The following RIN3 variants were observed in gnomAD, a reference collection of about 807,000 sequenced individuals.
RIN3 encodes the protein Ras and Rab interactor 3.
In RIN3, 54 loss-of-function variants were observed where a neutral mutation model predicts 76.3. That is an observed-to-expected ratio of 0.71 (90% confidence interval 0.57 to 0.89). The LOEUF is 0.89. Ranked by LOEUF, RIN3 falls within the 40% of genes least tolerant of loss-of-function variation. The pLI is 0.00. For synonymous variants in RIN3, 576 were observed against 564.0 expected, an observed-to-expected ratio of 1.02 and a Z score of -0.30; for missense variants, 1,256 against 1,322.1, an observed-to-expected ratio of 0.95 and a Z score of 0.78.
chr14:92,590,663 G>GC (rs1459280738), intron 3 of RIN3, among the ~76,000 whole-genome samples: 1 of 152,122 alleles, frequency 6.6e-6, no homozygotes, highest in Non-Finnish European at 1.5e-5. Context: ...TTATAGCAAT[G>GC]CAAGAATGGC....
intron 6 of RIN3, among the ~76,000 whole-genome samples, chr14:92,655,345 C>T (rs1887629099): frequency 6.6e-6 from 1 of 152,130 alleles, no homozygotes; most frequent in Admixed American, 6.5e-5. Flanking sequence ...GAGACTCTGT[C>T]TCAAGAAGGA....
chr14:92,528,210 C>T (rs934154222), intron 1 of RIN3, among the ~76,000 whole-genome samples: 18 of 152,178 alleles, frequency 1.2e-4, no homozygotes, highest in Admixed American at 5.2e-4. Context: ...GGGTGTGCCC[C>T]GTGGGGGCGG....
intron 3 of RIN3, among the ~76,000 whole-genome samples, chr14:92,585,642 T>C (rs1445459915): frequency 2.0e-5 from 3 of 152,116 alleles, no homozygotes; most frequent in Admixed American, 6.5e-5. Context: ...TTTGTTTGTT[T>C]GTTGTTTGTT....
At chr14:92,630,501 C>A (rs1232199371) in intron 4 of RIN3, among the ~76,000 whole-genome samples, 2 of 152,180 alleles carry the variant, frequency 1.3e-5, no homozygotes, top group Admixed American at 6.5e-5. Context: ...AAAAAAGAAA[C>A]AGCACCCTGC....
At chr14:92,598,538 C>T (rs1885232699) in intron 3 of RIN3, among the ~76,000 whole-genome samples, 1 of 152,220 alleles carries the variant, frequency 6.6e-6, no homozygotes, top group African/African-American at 2.4e-5. Flanking sequence ...GCTCACCCTC[C>T]TTTTACAGAT....
At chr14:92,561,044 A>AAATATATATATATATATATATATATATAT (rs1555383856) in intron 2 of RIN3, among the ~76,000 whole-genome samples, 4 of 24,398 alleles carry the variant, frequency 1.6e-4, no homozygotes, top group Non-Finnish European at 2.4e-4. Context: ...AAAAAAAAAA[A>AAATATATATATATATATATATATATATAT]ATATATATAT....
At chr14:92,635,554 A>G (rs1595472185) in intron 4 of RIN3, among the ~76,000 whole-genome samples, 1 of 152,288 alleles carries the variant, frequency 6.6e-6, no homozygotes, top group East Asian at 1.9e-4. Flanking sequence ...TGTATTCAAT[A>G]GAAATACTAG....
chr14:92,532,454 T>C (rs1474054566), intron 1 of RIN3, among the ~76,000 whole-genome samples: 2 of 152,078 alleles, frequency 1.3e-5, no homozygotes, highest in Non-Finnish European at 2.9e-5. Flanking sequence ...ACTAATCCCA[T>C]GGGGTCATCT....
chr14:92,687,624 T>C (rs1461317295), intron 9 of RIN3: 3 of 436,858 alleles, frequency 6.9e-6, no homozygotes, highest in Middle Eastern at 6.2e-4. Context: ...AATGAATGAA[T>C]GAATGAATGA....
intron 7 of RIN3, among the ~76,000 whole-genome samples, chr14:92,673,101 CA>C (rs1566899012): frequency 3.3e-5 from 5 of 151,266 alleles, no homozygotes; most frequent in Admixed American, 2.0e-4. Flanking sequence ...GGCAACACGG[CA>C]AAACCCTGTC....
intron 4 of RIN3, among the ~76,000 whole-genome samples, chr14:92,626,697 G>T (rs1363471620): frequency 6.6e-6 from 1 of 152,116 alleles, no homozygotes; most frequent in Non-Finnish European, 1.5e-5. Flanking sequence ...GAAGGATCTG[G>T]GACCGAGTCC....
chr14:92,659,070 G>C (rs2295991), intron 6 of RIN3, 91 bp from the exon 7 acceptor site: 452,952 of 1,225,860 alleles, frequency 0.37, 86,222 homozygotes, highest in African/African-American at 0.41. Context: ...GGGGCCAGGG[G>C]ATGGGGATGG....
intron 1 of RIN3, among the ~76,000 whole-genome samples, chr14:92,517,181 G>A (rs1365512038): frequency 1.3e-5 from 2 of 152,248 alleles, no homozygotes; most frequent in African/African-American, 2.4e-5. Context: ...TGGGCAGCTC[G>A]GAGGAGGGGA....
chr14:92,524,547 G>A (rs770686807), intron 1 of RIN3, among the ~76,000 whole-genome samples: 5 of 152,230 alleles, frequency 3.3e-5, no homozygotes, highest in Non-Finnish European at 7.3e-5. Context: ...TGGGGCATAA[G>A]AGGCCCCAAG....
At chr14:92,670,265 G>A (rs1416801780) in intron 7 of RIN3, among the ~76,000 whole-genome samples, 3 of 152,142 alleles carry the variant, frequency 2.0e-5, no homozygotes, top group African/African-American at 4.8e-5. Context: ...AATGTGATCA[G>A]CTACCTACAG....
chr14:92,610,278 G>GA (rs1566866628), intron 3 of RIN3, among the ~76,000 whole-genome samples: 3 of 151,948 alleles, frequency 2.0e-5, no homozygotes. Flanking sequence ...TAAAAAGAAA[G>GA]AAAAAAAGAG....
chr14:92,610,536 TG>T (rs970924725), intron 3 of RIN3, among the ~76,000 whole-genome samples: 2 of 152,206 alleles, frequency 1.3e-5, no homozygotes, highest in Admixed American at 1.3e-4. Flanking sequence ...CAACAGCCCC[TG>T]CCTCTCACAG....
In RIN3 at chr14:92,685,234, T is replaced by C. The variant is rs1888811555; in HGVS notation, c.2631+84T>C. ...GCCTGCTGGCTAAGGAGCCGTGACA[T>C]CACCTGGCTGCTCCAGCCGCCCAGC... is the stretch of plus-strand genomic sequence containing the variant. On this transcript the variant is annotated intron_variant, in intron 9 of 9. Transcript: ENST00000216487. This position sits in a 1 kb window ranked among gnomAD's most constrained non-coding sequence, Gnocchi z 4.7. The C allele has an allele frequency of 2.0e-5, 29 of 1,417,826 alleles. No homozygotes were observed. Among genetic ancestry groups the C allele is most frequent in the Non-Finnish European group, 2.6e-5 (28 of 1,056,974 alleles). The allele number at this position is 1,417,826 out of a possible 1,614,324, so 87.8% of individuals were successfully genotyped here. A position where few individuals can be genotyped will look rare whatever the true frequency, so the allele number is the denominator to read the frequency against.
intron 1 of RIN3, among the ~76,000 whole-genome samples, chr14:92,532,951 A>G (rs929794794): frequency 6.6e-6 from 1 of 152,122 alleles, no homozygotes; most frequent in Admixed American, 6.6e-5. Flanking sequence ...TGGCCTTGAC[A>G]TGTACCAGCC....
Sources: gnomAD v4.1 joint callset for allele counts (sites outside exome capture counted in the v4.1 genomes callset) on GRCh38, gnomAD v4.1.1 for gene constraint, Gnocchi (gnomAD v3.1) non-coding constraint, MANE v1.5 for transcripts, NCBI Gene and HGNC (gene_info 2026-07-23, HGNC 2026-07-21) for gene names.